MYO7A: variants seen among roughly 807,000 people sequenced by gnomAD.
MYO7A encodes the protein myosin VIIA.
A neutral mutation model predicts 263.8 loss-of-function variants in MYO7A; 210 were observed. The ratio of observed to expected loss-of-function variants is 0.80; its 90% CI spans 0.71 to 0.89. The LOEUF (loss-of-function observed/expected upper bound fraction) is 0.89, where lower values mean the gene tolerates loss of function less well. Among genes scored for constraint, MYO7A ranks in the 40% least tolerant of loss-of-function variants. MYO7A has a pLI of 0.00. For synonymous variants in MYO7A, 1,239 were observed against 1,197.3 expected (o/e 1.03, Z -0.72); for missense variants, 2,820 against 2,968.3 (o/e 0.95, Z 1.16).
chr11:77,188,788 G>T (rs1274600250), intron 27 of MYO7A, among the ~76,000 whole-genome samples: 3 of 152,174 alleles, frequency 2.0e-5, no homozygotes, highest in Non-Finnish European at 2.9e-5. Context: ...CATTACAAAA[G>T]TCATACATGG....
chr11:77,212,351 G>GGT, intron 46 of MYO7A: 1 of 366,992 alleles, frequency 2.7e-6, no homozygotes, highest in Non-Finnish European at 5.4e-6. Flanking sequence ...AAGGCCTGGA[G>GGT]GTGTGAGAAC....
intron 48 of MYO7A, 137 bp from the exon 49 acceptor site, chr11:77,214,470 G>A: frequency 1.5e-6 from 1 of 686,684 alleles, no homozygotes; most frequent in Non-Finnish European, 2.6e-6. Flanking sequence ...GTGCAGATGG[G>A]AGATAAGCCC....
chr11:77,155,619 A>C (rs1275926889), intron 4 of MYO7A, among the ~76,000 whole-genome samples: 5 of 152,240 alleles, frequency 3.3e-5, no homozygotes, highest in Admixed American at 1.3e-4. Context: ...CTTCACAAAC[A>C]GTTACGCTCA....
At position 77,182,088 on chromosome 11, in the gene MYO7A, G is replaced by A. The variant is rs111033507; in HGVS notation, c.3042G>A (p.Thr1014=). 8.1e-6 allele frequency: 13 copies of A among 1,613,208 alleles called. No individual in the cohort carries two copies. The highest frequency in any genetic ancestry group is 2.2e-5 in the East Asian group (1 of 44,882). Residue 1014 remains threonine, a synonymous_variant, in exon 24 of 49, where the codon ACG becomes ACA. Transcript: ENST00000409709. ...CCACCTACTTCCAGGGGACAACCAC[G>A]CACTCCTACACCCGGCGGCCACTCA... is the stretch of plus-strand genomic sequence containing the variant. ...FAATYFQGTT[T]HSYTRRPLKQ... is the part of the protein sequence containing the mutation.
chr11:77,150,325 G>A (rs1037371288), intron 4 of MYO7A, among the ~76,000 whole-genome samples: 4 of 152,316 alleles, frequency 2.6e-5, no homozygotes, highest in African/African-American at 9.6e-5. Context: ...TAGGTCAGCT[G>A]CATCAAGGAA....
intron 46 of MYO7A, chr11:77,212,168 A>T: frequency 1.5e-6 from 1 of 645,696 alleles, no homozygotes; most frequent in East Asian, 3.1e-5. Flanking sequence ...AGACATGTAA[A>T]CAGGCTGGGG....
rs563460148 is a variant in MYO7A at position 77,182,720 on chromosome 11, G to A, written c.3285+120G>A. 6.1e-4 allele frequency: 659 copies of A among 1,075,998 alleles called. 3 individuals are homozygous for A. In the South Asian group the frequency reaches 9.9e-3, roughly 16 times the overall value. The allele number at this position is 1,075,998 out of a possible 1,614,324, so 66.7% of individuals were successfully genotyped here. A position where few individuals can be genotyped will look rare whatever the true frequency, so the allele number is the denominator to read the frequency against. Reference sequence around the variant, plus strand: ...TCCTATAATTCATCTCTGCCTCACCGACCCCTGCCTGCCACCCTCCTTTGT... The same window carrying A: ...TCCTATAATTCATCTCTGCCTCACCAACCCCTGCCTGCCACCCTCCTTTGT... On this transcript the variant is annotated intron_variant, in intron 25 of 48. Coordinates refer to ENST00000409709, the MANE Select transcript of MYO7A (RefSeq NM_000260.4).
At position 77,172,740 on chromosome 11, in the gene MYO7A, C is replaced by CAT. The variant is rs1954226336; in HGVS notation, c.1798-8_1798-7insAT. 4 of 1,553,142 alleles carry CAT rather than the reference C, an allele frequency of 2.6e-6. No individual in the cohort carries two copies. The highest frequency in any genetic ancestry group is 3.9e-5 in the Admixed American group (2 of 51,592). The stretch of plus-strand genomic sequence containing the variant: ...AGCCCCTCCCATCGCTGCCGTCCGT[C>CAT]CCCCCAGGGCGCCGAGACCAGGAAG... On this transcript the variant is annotated splice_region_variant and splice_polypyrimidine_tract_variant and intron_variant, in intron 15 of 48. Coordinates refer to ENST00000409709, the MANE Select transcript of MYO7A (RefSeq NM_000260.4).
At chr11:77,152,185 G>A (rs1826938328) in intron 4 of MYO7A, among the ~76,000 whole-genome samples, 1 of 152,254 alleles carries the variant, frequency 6.6e-6, no homozygotes. Flanking sequence ...TTTGTAGATA[G>A]ATAAGTAGTT....
In MYO7A at chr11:77,214,643, A is replaced by C; in HGVS notation, c.6595A>C (p.Ser2199Arg). The C allele has an allele frequency of 6.3e-7, 1 of 1,589,914 alleles. No individual in the cohort carries two copies. Among genetic ancestry groups the C allele is most frequent in the South Asian group, 1.2e-5 (1 of 86,710 alleles). Residue 2199 changes from serine (S) to arginine (R), a missense_variant, in exon 49 of 49, where the codon AGC (serine) becomes CGC (arginine). Coordinates refer to ENST00000409709, the MANE Select transcript of MYO7A (RefSeq NM_000260.4). The stretch of plus-strand genomic sequence containing the variant: ...GGATGACCTCCTGACTTCCTACATT[A>C]GCCAGATGCTCACAGCCATGAGCAA... ...KMDDLLTSYI[S>R]QMLTAMSKQR... is the part of the protein sequence containing the mutation.
intron 2 of MYO7A, among the ~76,000 whole-genome samples, chr11:77,142,150 C>T (rs1197903385): frequency 2.6e-5 from 4 of 152,230 alleles, no homozygotes; most frequent in South Asian, 2.1e-4. Context: ...GGACACAAAG[C>T]GACATCCTCC....
chr11:77,189,572 A>C (rs1414101696), intron 28 of MYO7A, 102 bp downstream of exon 28: 5 of 1,521,314 alleles, frequency 3.3e-6, no homozygotes, highest in Non-Finnish European at 4.5e-6. Flanking sequence ...CCTGGTCACA[A>C]GGCCCACCCG....
rs1331863470 is a variant in MYO7A, at chr11:77,192,197, C to T, written c.4071C>T (p.Pro1357=). ...AGGTCTTCACGCCCTGGCACAGCCCCTCCGAGGACAACGTGGCCACCAACC... is the reference window on the plus strand; with the variant it reads ...AGGTCTTCACGCCCTGGCACAGCCCTTCCGAGGACAACGTGGCCACCAACC... ...RKEVFTPWHS[P]SEDNVATNLI... is the part of the protein sequence containing the mutation. The change falls in exon 31 of 49, where the codon CCC becomes CCT. Residue 1357 remains proline, a synonymous_variant. Transcript: ENST00000409709. The T allele has an allele frequency of 3.1e-6, 5 of 1,614,056 alleles. No homozygotes were observed. Among genetic ancestry groups the T allele is most frequent in the Non-Finnish European group, 4.2e-6 (5 of 1,179,906 alleles).
chr11:77,161,174 T>C lies in MYO7A; in HGVS notation c.1343+59T>C, dbSNP rs1293640973. On this transcript the variant is annotated intron_variant, in intron 12 of 48. Transcript: ENST00000409709. ...TTCCCCAATATGGAAATAAGAAATA[T>C]CACGTCTCTCCCTTGCGAAGCACAT... 3 of 1,602,472 alleles carry C rather than the reference T, an allele frequency of 1.9e-6. No homozygotes were observed. The South Asian group carries it at 3.3e-5, about 18-fold the overall frequency.
In MYO7A at chr11:77,148,036, G is replaced by A. The variant is rs1405858950; in HGVS notation, c.285+86G>A. 59 of 1,191,360 alleles carry A rather than the reference G, an allele frequency of 5.0e-5. 1 individual carries two copies. The highest frequency in any genetic ancestry group is 2.5e-4 in the South Asian group (15 of 59,324). The allele number at this position is 1,191,360 out of a possible 1,614,324, so 73.8% of individuals were successfully genotyped here. ...GCCCCACCCCGCCCGACTTGCCTCC[G>A]GCCCCGCCCTGCCGGGGCCCTGCCT... On this transcript the variant is annotated intron_variant, in intron 4 of 48. Transcript: ENST00000409709.
chr11:77,133,555 T>A (rs1950826730), intron 2 of MYO7A, among the ~76,000 whole-genome samples: 1 of 152,264 alleles, frequency 6.6e-6, no homozygotes, highest in South Asian at 2.1e-4. Context: ...ACTATTTGCA[T>A]GGAATACTAT....
At chr11:77,151,571 G>C (rs1451824663) in intron 4 of MYO7A, among the ~76,000 whole-genome samples, 3 of 152,130 alleles carry the variant, frequency 2.0e-5, no homozygotes, top group Non-Finnish European at 4.4e-5. Flanking sequence ...GGGACCCCTA[G>C]GGACCACACG....
At chr11:77,155,099 G>A (rs896605378) in intron 4 of MYO7A, among the ~76,000 whole-genome samples, 15 of 152,290 alleles carry the variant, frequency 9.8e-5, no homozygotes, top group African/African-American at 2.2e-4. Flanking sequence ...AGTTTGAGAC[G>A]TGGGGTGGGA....
Position 77,203,530 on chromosome 11 carries a change from G to A in MYO7A, c.5326+313G>A, listed in dbSNP as rs993482978. Among the ~76,000 whole-genome samples the A allele has an allele frequency of 5.3e-5, 8 of 152,140 alleles. 1 individual carries two copies. The highest frequency in any genetic ancestry group is 8.8e-5 in the Non-Finnish European group (6 of 68,008). ...CCAGATCAATGTTGAGATGGGACCC[G>A]GCAGCACTGTGACCTGACCCATGTG... On this transcript the variant is annotated intron_variant, in intron 38 of 48. Coordinates refer to ENST00000409709, the MANE Select transcript of MYO7A (RefSeq NM_000260.4).
Sources: gnomAD v4.1 joint callset for allele counts (sites outside exome capture counted in the v4.1 genomes callset) on GRCh38, gnomAD v4.1.1 for gene constraint, MANE v1.5 for transcripts, NCBI Gene and HGNC (gene_info 2026-07-23, HGNC 2026-07-21) for gene names.